Variants in PTPRD observed in about 807,000 individuals in gnomAD.
PTPRD encodes receptor-type tyrosine-protein phosphatase delta.
Under a neutral mutation model 214.5 loss-of-function variants are expected in PTPRD, and 34 were observed. The ratio of observed to expected loss-of-function variants is 0.16; its 90% CI spans 0.12 to 0.21. The LOEUF (loss-of-function observed/expected upper bound fraction) is 0.21, where lower values mean the gene tolerates loss of function less well. PTPRD is among the 10% of genes least tolerant of loss of function. The pLI, the probability that PTPRD is intolerant of heterozygous loss-of-function variation, is 1.00. For synonymous variants in PTPRD, 1,128 were observed against 845.7 expected, an observed-to-expected ratio of 1.33 and a Z score of -5.79; for missense variants, 2,545 against 2,398.7, an observed-to-expected ratio of 1.06 and a Z score of -1.27.
intron 12 of PTPRD, among the ~76,000 whole-genome samples, chr9:8,691,613 A>ATACT (rs1387215963): frequency 2.0e-5 from 3 of 152,182 alleles, no homozygotes; most frequent in African/African-American, 4.8e-5. Flanking sequence ...TTGCCTGAAT[A>ATACT]TACTTATTGG....
intron 9 of PTPRD, among the ~76,000 whole-genome samples, chr9:9,321,207 C>G (rs183772567): frequency 1.3e-5 from 2 of 152,184 alleles, no homozygotes; most frequent in Admixed American, 1.3e-4. Flanking sequence ...GGTACATATA[C>G]TATTTGGGCC....
intron 7 of PTPRD, among the ~76,000 whole-genome samples, chr9:9,655,337 AG>A (rs761850073): frequency 7.9e-4 from 120 of 152,332 alleles, no homozygotes; most frequent in African/African-American, 2.9e-3. Flanking sequence ...CGGGAGGTCA[AG>A]GTGGGCAGAT....
chr9:8,354,912 AG>A (rs2076582271), intron 39 of PTPRD, among the ~76,000 whole-genome samples: 1 of 152,220 alleles, frequency 6.6e-6, no homozygotes, highest in South Asian at 2.1e-4. Flanking sequence ...ATGAAACATT[AG>A]CTCTCCCACT....
At chr9:9,515,864 A>G (rs1166775042) in intron 8 of PTPRD, among the ~76,000 whole-genome samples, 1 of 152,082 alleles carries the variant, frequency 6.6e-6, no homozygotes, top group Non-Finnish European at 1.5e-5. Context: ...GCAATAAAAA[A>G]GAATTACTTT....
At chr9:9,887,786 G>T (rs931796459) in intron 5 of PTPRD, among the ~76,000 whole-genome samples, 1 of 151,966 alleles carries the variant, frequency 6.6e-6, no homozygotes, top group African/African-American at 2.4e-5. Flanking sequence ...GGAAAATGTG[G>T]AGGGGGCAAT....
intron 10 of PTPRD, among the ~76,000 whole-genome samples, chr9:9,158,905 T>C (rs1294855573): frequency 1.3e-5 from 2 of 152,164 alleles, no homozygotes; most frequent in African/African-American, 4.8e-5. Context: ...TGGTTCAACA[T>C]AATGCAAATC....
In PTPRD at chr9:10,512,028, A is replaced by ATATATACGTGTG. The variant is rs1285737509; in HGVS notation, c.-600+100369_-600+100370insCACACGTATATA. Among the ~76,000 whole-genome samples the ATATATACGTGTG allele has an allele frequency of 4.6e-3, 344 of 74,240 alleles. 15 individuals are homozygous for ATATATACGTGTG. The highest frequency in any genetic ancestry group is 7.8e-3 in the African/African-American group (112 of 14,360). 48.7% of individuals were successfully genotyped at this position (74,240 alleles called of 152,430 possible). On this transcript the variant is annotated intron_variant, in intron 2 of 45. Coordinates refer to ENST00000381196, the MANE Select transcript of PTPRD (RefSeq NM_002839.4). ...TATATATACGTGTGTGTATATATAT[A>ATATATACGTGTG]TGTATATATATATATACACACACGT...
chr9:8,993,779 T>C (rs1427464986), intron 11 of PTPRD, among the ~76,000 whole-genome samples: 1 of 152,168 alleles, frequency 6.6e-6, no homozygotes, highest in African/African-American at 2.4e-5. Context: ...AAGAAATTTT[T>C]CTTTCTTTAT....
intron 5 of PTPRD, among the ~76,000 whole-genome samples, chr9:9,868,751 TAAA>T (rs1233551951): frequency 6.6e-6 from 1 of 151,940 alleles, no homozygotes; most frequent in East Asian, 1.9e-4. Flanking sequence ...AATGAAATCT[TAAA>T]AACTTTCAAA....
chr9:8,641,250 G>A (rs897795838), intron 12 of PTPRD, among the ~76,000 whole-genome samples: 4 of 148,204 alleles, frequency 2.7e-5, no homozygotes, highest in Non-Finnish European at 4.4e-5. Context: ...GATTTGAATC[G>A]TGAAAATCTC....
intron 10 of PTPRD, among the ~76,000 whole-genome samples, chr9:9,029,709 G>A (rs1033087045): frequency 9.2e-5 from 14 of 151,864 alleles, no homozygotes; most frequent in African/African-American, 1.9e-4. Context: ...TGGAATGTAC[G>A]GTAGTGGTGG....
chr9:8,791,597 G>A (rs10977300), intron 11 of PTPRD, among the ~76,000 whole-genome samples: 6,344 of 145,862 alleles, frequency 0.043, 455 homozygotes, highest in African/African-American at 0.15. Flanking sequence ...GGGCGATCTC[G>A]GCTCACTGCA....
chr9:10,611,721 G>C (rs1466408916), intron 2 of PTPRD, among the ~76,000 whole-genome samples: 1 of 152,156 alleles, frequency 6.6e-6, no homozygotes, highest in African/African-American at 2.4e-5. Context: ...CAAAGTCACA[G>C]TCTCAGCCCT....
intron 2 of PTPRD, among the ~76,000 whole-genome samples, chr9:10,428,142 C>G (rs1327332143): frequency 6.6e-6 from 1 of 151,750 alleles, no homozygotes; most frequent in Non-Finnish European, 1.5e-5. Flanking sequence ...TGGTGAAACC[C>G]CATCTCTACT....
chr9:8,397,223 A>T (rs1210689479), intron 36 of PTPRD, among the ~76,000 whole-genome samples: 1 of 152,154 alleles, frequency 6.6e-6, no homozygotes, highest in African/African-American at 2.4e-5. Context: ...AGGTGCCAAC[A>T]AACTATTCAC....
At position 8,485,944 on chromosome 9, in the gene PTPRD, T is replaced by A; in HGVS notation, c.2873A>T (p.Tyr958Phe). ...GAGAAGGGGGATGTTGATATCCCTA[T>A]AAAGAAGGGTATACTTGGTGATAAT... is the stretch of plus-strand genomic sequence containing the variant. ...NGIITKYTLL[Y>F]RDINIPLLPM... The change falls in exon 28 of 46, where the codon TAT becomes TTT. Residue 958 changes from tyrosine (Y) to phenylalanine (F), a missense_variant. Transcript: ENST00000381196. The A allele has an allele frequency of 6.2e-7, 1 of 1,614,196 alleles. No homozygotes were observed. Among genetic ancestry groups the A allele is most frequent in the Non-Finnish European group, 8.5e-7 (1 of 1,180,032 alleles).
chr9:8,870,554 G>T (rs529225019), intron 11 of PTPRD, among the ~76,000 whole-genome samples: 8 of 152,046 alleles, frequency 5.3e-5, no homozygotes, highest in Non-Finnish European at 8.8e-5. Context: ...TAATGCCCTC[G>T]TGTGTAACAA....
intron 11 of PTPRD, among the ~76,000 whole-genome samples, chr9:8,966,532 G>T (rs1312415449): frequency 2.0e-5 from 3 of 151,936 alleles, no homozygotes. Flanking sequence ...TTTAATAAAT[G>T]GTATTGAGAC....
intron 9 of PTPRD, among the ~76,000 whole-genome samples, chr9:9,199,197 T>C (rs573042603): frequency 1.6e-4 from 24 of 152,226 alleles, no homozygotes; most frequent in African/African-American, 5.8e-4. Context: ...TATTTTGTAA[T>C]ATATATATAA....
Sources: allele counts gnomAD v4.1 joint callset (sites outside exome capture counted in the v4.1 genomes callset), GRCh38; gene constraint gnomAD v4.1.1; transcripts MANE v1.5; gene names NCBI Gene and HGNC (gene_info 2026-07-23, HGNC 2026-07-21).